The following WWP1 variants were observed in gnomAD, a reference collection of about 807,000 sequenced individuals.
WWP1 encodes the protein WW domain containing E3 ubiquitin protein ligase 1, also known as NEDD4-like E3 ubiquitin-protein ligase WWP1.
Under a neutral mutation model 130.6 loss-of-function variants are expected in WWP1, and 49 were observed. That is an observed-to-expected ratio of 0.38 (90% confidence interval 0.30 to 0.48). The LOEUF is 0.48. Among genes scored for constraint, WWP1 ranks in the 20% least tolerant of loss-of-function variants. The pLI is 0.99. For missense variants in WWP1, 809 were observed against 1,100.6 expected (o/e 0.74, Z 3.75); for synonymous variants, 332 against 367.8 (o/e 0.90, Z 1.11).
chr8:86,461,891 T>A, intron 24 of WWP1, 45 bp downstream of exon 24: 7 of 1,504,700 alleles, frequency 4.7e-6, no homozygotes, highest in Non-Finnish European at 4.6e-6. Flanking sequence ...CCACAGAGAA[T>A]CTTTTGTTTT....
chr8:86,380,883 G>T lies in WWP1; in HGVS notation c.209+19G>T, dbSNP rs1419428898. On this transcript the variant is annotated intron_variant, in intron 4 of 24. Coordinates refer to ENST00000517970, the MANE Select transcript of WWP1 (RefSeq NM_007013.4). Reference sequence around the variant, plus strand: ...TAACTGTGTAAGTACCTTGTGTAAAGGACGGAAAATCTTCACAAGAAAGTG... The same window carrying T: ...TAACTGTGTAAGTACCTTGTGTAAATGACGGAAAATCTTCACAAGAAAGTG... 6.4e-7 allele frequency: 1 copy of T among 1,558,214 alleles called. No individual in the cohort carries two copies. The highest frequency in any genetic ancestry group is 1.3e-5 in the South Asian group (1 of 79,468).
At chr8:86,355,636 A>T (rs751041916) in intron 1 of WWP1, among the ~76,000 whole-genome samples, 3 of 152,194 alleles carry the variant, frequency 2.0e-5, no homozygotes, top group African/African-American at 7.2e-5. Context: ...CGTGGAAATT[A>T]TGTGTTAAAC....
intron 21 of WWP1, among the ~76,000 whole-genome samples, chr8:86,457,583 A>ATG (rs1427212419): frequency 4.6e-5 from 7 of 151,944 alleles, no homozygotes; most frequent in African/African-American, 1.7e-4. Flanking sequence ...ATATATATAG[A>ATG]TGTGTGTGCG....
chr8:86,355,736 A>G (rs1339619196), intron 1 of WWP1, among the ~76,000 whole-genome samples: 1 of 152,146 alleles, frequency 6.6e-6, no homozygotes, highest in African/African-American at 2.4e-5. Context: ...TTTCTCTTTT[A>G]ACCTTAAGGA....
intron 24 of WWP1, among the ~76,000 whole-genome samples, chr8:86,462,859 C>G (rs541854608): frequency 6.6e-6 from 1 of 151,308 alleles, no homozygotes; most frequent in East Asian, 1.9e-4. Flanking sequence ...TTCTTCAACA[C>G]CATACCCTTG....
At chr8:86,390,689 TGGGAGACGAGA>T (rs1807270151) in intron 5 of WWP1, among the ~76,000 whole-genome samples, 1 of 72,298 alleles carries the variant, frequency 1.4e-5, no homozygotes, top group African/African-American at 5.5e-5. Context: ...CCGTGGAAAG[TGGGAGACGAGA>T]GGGAGACGGG....
At chr8:86,431,861 A>C (rs1401483096) in intron 14 of WWP1, 118 bp downstream of exon 14, 1 of 1,314,806 alleles carries the variant, frequency 7.6e-7, no homozygotes, top group East Asian at 2.4e-5. Flanking sequence ...GAAAACCTAC[A>C]CAAGTGAAAC....
intron 11 of WWP1, 114 bp from the exon 12 acceptor site, chr8:86,430,580 TATC>T: frequency 1.3e-6 from 1 of 780,442 alleles, no homozygotes. Flanking sequence ...CCCAACCCCT[TATC>T]ATATTTTTAG....
intron 1 of WWP1, among the ~76,000 whole-genome samples, chr8:86,354,338 G>A (rs1294491401): frequency 6.6e-6 from 1 of 152,120 alleles, no homozygotes; most frequent in Non-Finnish European, 1.5e-5. Context: ...TAAAGTCTAG[G>A]GCAGTGCCTG....
At chr8:86,345,837 TAC>T (rs1223797866) in intron 1 of WWP1, among the ~76,000 whole-genome samples, 1 of 152,204 alleles carries the variant, frequency 6.6e-6, no homozygotes, top group Non-Finnish European at 1.5e-5. Flanking sequence ...GTTTACAGTT[TAC>T]AGAGAATTTT....
At chr8:86,428,712 C>G (rs977534660) in intron 11 of WWP1, among the ~76,000 whole-genome samples, 1 of 152,108 alleles carries the variant, frequency 6.6e-6, no homozygotes, top group Non-Finnish European at 1.5e-5. Context: ...TTCCTGCTGC[C>G]TTCAGTTGCT....
intron 24 of WWP1, 130 bp from the exon 25 acceptor site, chr8:86,466,664 C>A (rs759415071): frequency 4.3e-6 from 2 of 468,462 alleles, no homozygotes; most frequent in Non-Finnish European, 7.1e-6. Context: ...ACTCTAAATA[C>A]TTCTGGCAAA....
intron 10 of WWP1, among the ~76,000 whole-genome samples, chr8:86,425,626 C>T (rs2130648491): frequency 6.6e-6 from 1 of 152,128 alleles, no homozygotes; most frequent in Middle Eastern, 3.4e-3. Context: ...TATGGTTCTC[C>T]ATGGATAGTG....
chr8:86,409,149 C>A (rs1254650402), intron 8 of WWP1, among the ~76,000 whole-genome samples: 11 of 150,922 alleles, frequency 7.3e-5, no homozygotes, highest in African/African-American at 2.4e-4. Context: ...CAAATATAAT[C>A]AATACTGAAT....
At chr8:86,461,747 A>C (rs373334216) in intron 23 of WWP1, 27 bp from the exon 24 acceptor site, 9 of 1,603,426 alleles carry the variant, frequency 5.6e-6, no homozygotes, top group Non-Finnish European at 6.8e-6. Flanking sequence ...AGGACCAGAT[A>C]AACTTTGTCT....
chr8:86,414,890 T>TCCCC (rs1222505171), intron 9 of WWP1, among the ~76,000 whole-genome samples: 31 of 94,852 alleles, frequency 3.3e-4, no homozygotes, highest in Admixed American at 3.7e-4. Context: ...CCCCCCCCCA[T>TCCCC]CCCCCCACCC....
At chr8:86,375,430 G>T (rs1193369007) in intron 3 of WWP1, among the ~76,000 whole-genome samples, 1 of 151,950 alleles carries the variant, frequency 6.6e-6, no homozygotes, top group South Asian at 2.1e-4. Flanking sequence ...TGCCCTGTAG[G>T]TTCACATTTT....
At chr8:86,381,370 A>G (rs992256537) in intron 4 of WWP1, 135 bp from the exon 5 acceptor site, 5 of 1,112,604 alleles carry the variant, frequency 4.5e-6, no homozygotes, top group South Asian at 1.6e-5. Context: ...GTTTCATACA[A>G]TATTTCTTCT....
intron 10 of WWP1, 127 bp downstream of exon 10, chr8:86,425,445 A>G (rs1300959419): frequency 3.4e-6 from 2 of 582,024 alleles, no homozygotes; most frequent in African/African-American, 1.9e-5. Flanking sequence ...ATTTCCTTAT[A>G]TAAATAATGA....
Sources: gnomAD v4.1 joint callset for allele counts (sites outside exome capture counted in the v4.1 genomes callset) on GRCh38, gnomAD v4.1.1 for gene constraint, MANE v1.5 for transcripts, NCBI Gene and HGNC (gene_info 2026-07-23, HGNC 2026-07-21) for gene names.